Variants in SPECC1L observed in about 807,000 individuals in gnomAD.
SPECC1L encodes the protein cytospin-A.
In SPECC1L, 40 loss-of-function variants were observed where a neutral mutation model predicts 116.8. That is an observed-to-expected ratio of 0.34 (90% CI 0.27 to 0.45). SPECC1L has a LOEUF of 0.45. Ranked by LOEUF, SPECC1L falls within the 20% of genes least tolerant of loss-of-function variation. The pLI, the probability that SPECC1L is intolerant of heterozygous loss-of-function variation, is 1.00. For missense variants in SPECC1L, 1,110 were observed against 1,373.6 expected, an observed-to-expected ratio of 0.81 and a Z score of 3.03; for synonymous variants, 504 against 500.6, an observed-to-expected ratio of 1.01 and a Z score of -0.09.
chr22:24,339,785 C>T (rs80050559), intron 10 of SPECC1L, among the ~76,000 whole-genome samples: 1 of 91,942 alleles, frequency 1.1e-5, no homozygotes, highest in Non-Finnish European at 2.7e-5. Context: ...ATGTTATGTC[C>T]TTTTTTTTTT....
intron 10 of SPECC1L, among the ~76,000 whole-genome samples, chr22:24,346,408 AGTT>A (rs1158066020): frequency 7.2e-5 from 11 of 152,258 alleles, no homozygotes; most frequent in African/African-American, 1.7e-4. Context: ...TGTACTGGGC[AGTT>A]GTTGTAGCAT....
intron 11 of SPECC1L, among the ~76,000 whole-genome samples, chr22:24,358,516 C>T (rs2041577973): frequency 6.6e-6 from 1 of 152,284 alleles, no homozygotes; most frequent in East Asian, 1.9e-4. Context: ...ACTGAAATAC[C>T]TGTTCAATTA....
At chr22:24,394,720 G>A (rs893796467) in intron 14 of SPECC1L, among the ~76,000 whole-genome samples, 3 of 152,150 alleles carry the variant, frequency 2.0e-5, no homozygotes, top group African/African-American at 7.2e-5. Flanking sequence ...CTAGACATTC[G>A]GAACGTGTAG....
chr22:24,376,300 A>G (rs182231805), intron 14 of SPECC1L, among the ~76,000 whole-genome samples: 4 of 152,304 alleles, frequency 2.6e-5, no homozygotes, highest in African/African-American at 9.6e-5. Context: ...AGCTGGGACT[A>G]CAGGTGTAGG....
intron 10 of SPECC1L, among the ~76,000 whole-genome samples, chr22:24,341,713 G>C (rs947554833): frequency 6.6e-6 from 1 of 152,242 alleles, no homozygotes; most frequent in Non-Finnish European, 1.5e-5. Flanking sequence ...CAAAGCAAAA[G>C]AAGTGGTGGG....
At chr22:24,306,460 A>T (rs554784112) in intron 3 of SPECC1L, among the ~76,000 whole-genome samples, 1 of 152,034 alleles carries the variant, frequency 6.6e-6, no homozygotes, top group African/African-American at 2.4e-5. Context: ...AGCTCACTGC[A>T]GCCTTGAACT....
intron 14 of SPECC1L, among the ~76,000 whole-genome samples, chr22:24,404,808 C>T (rs2042554411): frequency 6.6e-6 from 1 of 152,190 alleles, no homozygotes; most frequent in African/African-American, 2.4e-5. Flanking sequence ...GGTGAGGACT[C>T]GCTGAGTGTG....
chr22:24,411,770 A>T, intron 15 of SPECC1L, 66 bp downstream of exon 15: 1 of 1,310,086 alleles, frequency 7.6e-7, no homozygotes, highest in Non-Finnish European at 1.1e-6. Flanking sequence ...AACCAAGGGC[A>T]GCACCTGCCT....
At chr22:24,288,239 A>G (rs2049082202) in intron 2 of SPECC1L, among the ~76,000 whole-genome samples, 1 of 152,074 alleles carries the variant, frequency 6.6e-6, no homozygotes, top group Admixed American at 6.6e-5. Context: ...CTGTATTGAT[A>G]TTTTAGGCTG....
intron 11 of SPECC1L, among the ~76,000 whole-genome samples, chr22:24,351,921 G>A (rs570890002): frequency 1.3e-5 from 2 of 151,872 alleles, no homozygotes; most frequent in African/African-American, 4.8e-5. Flanking sequence ...CCCGGGAGGC[G>A]GAGCTTTCAG....
At chr22:24,339,193 A>G (rs1461029147) in intron 10 of SPECC1L, among the ~76,000 whole-genome samples, 2 of 152,162 alleles carry the variant, frequency 1.3e-5, no homozygotes, top group Non-Finnish European at 2.9e-5. Flanking sequence ...GCTCCTTCAC[A>G]GCATGGTTAT....
At chr22:24,404,451 C>T (rs2042545727) in intron 14 of SPECC1L, among the ~76,000 whole-genome samples, 1 of 152,204 alleles carries the variant, frequency 6.6e-6, no homozygotes, top group Non-Finnish European at 1.5e-5. Flanking sequence ...GGAGCTCTGC[C>T]TCTGTGAAGG....
At chr22:24,390,852 CTTTTTTTTTTTTTTCTTTTCTTT>C (rs2042249444) in intron 14 of SPECC1L, among the ~76,000 whole-genome samples, 1 of 48,584 alleles carries the variant, frequency 2.1e-5, no homozygotes, top group Non-Finnish European at 4.0e-5. Context: ...GCCTGTGTTC[CTTTTTTTTTTTTTTCTTTTCTTT>C]TTTTTTTTTT....
intron 14 of SPECC1L, among the ~76,000 whole-genome samples, chr22:24,375,564 CA>C (rs1323777169): frequency 6.6e-6 from 1 of 152,174 alleles, no homozygotes. Context: ...TCTCACTAGA[CA>C]CTGTAAAAGC....
Position 24,335,686 on chromosome 22 carries a change from A to C in SPECC1L, c.2560+1113A>C, listed in dbSNP as rs563106782. On this transcript the variant is annotated intron_variant, in intron 9 of 16. Transcript: ENST00000314328. ...TTTCATTGACTTTAAAAGCAGAGCA[A>C]AAGTCACATGTATACTCCTACACAC... Among the ~76,000 whole-genome samples, 7 of 152,350 alleles carry C rather than the reference A, an allele frequency of 4.6e-5. No homozygotes were observed. The South Asian group carries it at 1.2e-3, about 27-fold the overall frequency.
chr22:24,284,758 C>G (rs2049010221), intron 2 of SPECC1L, among the ~76,000 whole-genome samples: 1 of 152,086 alleles, frequency 6.6e-6, no homozygotes, highest in South Asian at 2.1e-4. Context: ...ATTAAAAACA[C>G]CACCACAATA....
chr22:24,355,511 T>TCTGC (rs2041515331), intron 11 of SPECC1L, among the ~76,000 whole-genome samples: 1 of 152,084 alleles, frequency 6.6e-6, no homozygotes, highest in Non-Finnish European at 1.5e-5. Flanking sequence ...TGTCTGTCTG[T>TCTGC]CTGCCTGTCT....
Position 24,276,691 on chromosome 22 carries a change from C to T in SPECC1L, c.-141-9C>T. 2.3e-6 allele frequency: 1 copy of T among 431,496 alleles called. No individual in the cohort carries two copies. 26.7% of individuals were successfully genotyped at this position (431,496 alleles called of 1,614,324 possible). A position where few individuals can be genotyped will look rare whatever the true frequency, so the allele number is the denominator to read the frequency against. ...TAAAGCTATTCTATTCTTCCTCTCT[C>T]TCTTCTAGTGTTCTTGGGGAAGATC... is the stretch of plus-strand genomic sequence containing the variant. On this transcript the variant is annotated splice_polypyrimidine_tract_variant and intron_variant, in intron 1 of 16. Transcript: ENST00000314328.
intron 11 of SPECC1L, among the ~76,000 whole-genome samples, chr22:24,349,186 G>T (rs755598008): frequency 7.2e-5 from 11 of 152,014 alleles, no homozygotes; most frequent in Non-Finnish European, 1.5e-4. Flanking sequence ...GATTACAGGC[G>T]TGGAGCACCC....
Sources: gnomAD v4.1 joint callset for allele counts (sites outside exome capture counted in the v4.1 genomes callset) on GRCh38, gnomAD v4.1.1 for gene constraint, MANE v1.5 for transcripts, NCBI Gene and HGNC (gene_info 2026-07-23, HGNC 2026-07-21) for gene names.